Variants in KHDRBS3 observed in about 807,000 individuals in gnomAD.
KHDRBS3 encodes KH RNA binding domain containing, signal transduction associated 3.
Under a neutral mutation model 45.6 loss-of-function variants are expected in KHDRBS3, and 23 were observed. The ratio of observed to expected loss-of-function variants is 0.50; its 90% CI spans 0.36 to 0.72. The LOEUF is 0.72. Among genes scored for constraint, KHDRBS3 ranks in the 30% least tolerant of loss-of-function variants. The probability of loss-of-function intolerance (pLI) is 0.00; values close to 1 mark genes in which losing one functional copy is unlikely to be tolerated. For missense variants in KHDRBS3, 352 were observed against 424.8 expected, an observed-to-expected ratio of 0.83 and a Z score of 1.51; for synonymous variants, 162 against 156.5, an observed-to-expected ratio of 1.04 and a Z score of -0.26.
chr8:135,465,025 A>G (rs897411), intron 1 of KHDRBS3, among the ~76,000 whole-genome samples: 11,088 of 152,266 alleles, frequency 0.073, 584 homozygotes, highest in African/African-American at 0.15. Context: ...GCAGTTGCGT[A>G]CCATACAGAG....
At chr8:135,459,130 T>G (rs1821290609) in intron 1 of KHDRBS3, among the ~76,000 whole-genome samples, 1 of 152,208 alleles carries the variant, frequency 6.6e-6, no homozygotes, top group Middle Eastern at 3.2e-3. Context: ...TCGCCCTGGC[T>G]TTTTTATTGT....
intron 2 of KHDRBS3, chr8:135,542,445 T>A (rs1399831172): frequency 2.1e-6 from 1 of 483,030 alleles, no homozygotes; most frequent in Middle Eastern, 5.4e-4. Flanking sequence ...GAAATAAATA[T>A]AAAGAAATAT....
At chr8:135,592,124 T>C (rs1828772324) in intron 6 of KHDRBS3, among the ~76,000 whole-genome samples, 1 of 152,170 alleles carries the variant, frequency 6.6e-6, no homozygotes, top group Non-Finnish European at 1.5e-5. Flanking sequence ...AAATGTCTTA[T>C]CAGGAGCTTC....
At chr8:135,506,622 T>C (rs1251932532) in intron 1 of KHDRBS3, among the ~76,000 whole-genome samples, 5 of 152,186 alleles carry the variant, frequency 3.3e-5, no homozygotes, top group African/African-American at 9.6e-5. Flanking sequence ...CAGGCTGGTC[T>C]CCAACTCCTG....
chr8:135,540,500 A>G (rs1249895236), intron 2 of KHDRBS3: 1 of 152,266 alleles, frequency 6.6e-6, no homozygotes, highest in Non-Finnish European at 1.5e-5. Flanking sequence ...GCAAAAGACC[A>G]GAGGTTTCCT....
In KHDRBS3 at chr8:135,457,779, C is replaced by T. The variant is rs1050547341; in HGVS notation, c.-88C>T. The T allele has an allele frequency of 3.3e-4, 218 of 664,974 alleles. 1 individual carries two copies. The highest frequency in any genetic ancestry group is 4.3e-4 in the Non-Finnish European group (205 of 480,520). The allele number at this position is 664,974 out of a possible 1,614,324, so 41.2% of individuals were successfully genotyped here. A position where few individuals can be genotyped will look rare whatever the true frequency, so the allele number is the denominator to read the frequency against. ...CCGCGTCTGGCCCCCGGGTCCCCGCCGCTGGGGGCGCGGGCGGGGTCGGGG... is the reference window on the plus strand; with the variant it reads ...CCGCGTCTGGCCCCCGGGTCCCCGCTGCTGGGGGCGCGGGCGGGGTCGGGG... On this transcript the variant is annotated 5_prime_UTR_variant, in exon 1 of 9. Coordinates refer to ENST00000355849, the MANE Select transcript of KHDRBS3 (RefSeq NM_006558.3). This position sits in a 1 kb window ranked among gnomAD's most constrained non-coding sequence, Gnocchi z 4.4.
chr8:135,617,054 G>A (rs934161930), intron 7 of KHDRBS3, among the ~76,000 whole-genome samples: 1 of 151,880 alleles, frequency 6.6e-6, no homozygotes, highest in South Asian at 2.1e-4. Context: ...GCTCTACGAC[G>A]TTGACTAGGT....
chr8:135,515,610 A>G (rs898394585), intron 1 of KHDRBS3, among the ~76,000 whole-genome samples: 2 of 152,014 alleles, frequency 1.3e-5, no homozygotes, highest in Non-Finnish European at 2.9e-5. Flanking sequence ...CTAGTGGTCA[A>G]TAGCAGAAGC....
intron 1 of KHDRBS3, among the ~76,000 whole-genome samples, chr8:135,502,648 C>T (rs1181502306): frequency 2.6e-5 from 4 of 152,094 alleles, no homozygotes; most frequent in Non-Finnish European, 4.4e-5. Context: ...ACATAACTAC[C>T]GTTTATTGAG....
At chr8:135,544,365 G>A (rs763737508) in intron 3 of KHDRBS3, among the ~76,000 whole-genome samples, 1 of 152,148 alleles carries the variant, frequency 6.6e-6, no homozygotes, top group East Asian at 1.9e-4. Context: ...TTGTATGCCC[G>A]AGTTAACAGC....
intron 5 of KHDRBS3, among the ~76,000 whole-genome samples, chr8:135,578,605 C>T (rs549712867): frequency 6.6e-6 from 1 of 152,226 alleles, no homozygotes; most frequent in South Asian, 2.1e-4. Flanking sequence ...AAATACCGCG[C>T]TGTCTTGATT....
intron 2 of KHDRBS3, among the ~76,000 whole-genome samples, chr8:135,534,795 C>T (rs1163966408): frequency 2.0e-5 from 3 of 152,126 alleles, no homozygotes; most frequent in Non-Finnish European, 4.4e-5. Context: ...TGACACAATG[C>T]CAGCTCCAAG....
chr8:135,547,816 A>G (rs1027341177), intron 3 of KHDRBS3, among the ~76,000 whole-genome samples: 1 of 152,150 alleles, frequency 6.6e-6, no homozygotes, highest in Admixed American at 6.5e-5. Flanking sequence ...AATCTGTCTG[A>G]TACTAACATT....
At chr8:135,539,943 A>ATCAATCATGTCTT (rs1383957136) in intron 2 of KHDRBS3, 2 of 152,206 alleles carry the variant, frequency 1.3e-5, no homozygotes, top group Non-Finnish European at 2.9e-5. Flanking sequence ...GTGACCTTTA[A>ATCAATCATGTCTT]TCAATCATGT....
At chr8:135,610,807 A>G (rs1210145378) in intron 7 of KHDRBS3, among the ~76,000 whole-genome samples, 1 of 151,834 alleles carries the variant, frequency 6.6e-6, no homozygotes, top group Non-Finnish European at 1.5e-5. Flanking sequence ...GCAACTACAC[A>G]TAATTGTGTA....
chr8:135,540,196 T>C (rs186379632), intron 2 of KHDRBS3: 1 of 152,260 alleles, frequency 6.6e-6, no homozygotes, highest in African/African-American at 2.4e-5. Context: ...GGGACAACAA[T>C]AGGCAAATGA....
intron 7 of KHDRBS3, among the ~76,000 whole-genome samples, chr8:135,636,630 G>T (rs1563823368): frequency 6.6e-6 from 1 of 152,210 alleles, no homozygotes; most frequent in Non-Finnish European, 1.5e-5. Context: ...GGATCCAGCA[G>T]CAAGAGAAGA....
Position 135,480,471 on chromosome 8 carries a change from T to G in KHDRBS3, c.88+22517T>G, listed in dbSNP as rs111501798. 1.1e-3 allele frequency among the ~76,000 whole-genome samples: 170 copies of G among 152,304 alleles called. 3 individuals carry two copies. The highest frequency in any genetic ancestry group is 3.4e-3 in the African/African-American group (142 of 41,576). On this transcript the variant is annotated intron_variant, in intron 1 of 8. Transcript: ENST00000355849. The stretch of plus-strand genomic sequence containing the variant: ...TGCATTTAAATTCAAAATGGAATAT[T>G]TCTTCTGATAATAAATGTAGTATAT...
intron 4 of KHDRBS3, among the ~76,000 whole-genome samples, chr8:135,551,260 C>T (rs1826582753): frequency 6.6e-6 from 1 of 151,994 alleles, no homozygotes; most frequent in Admixed American, 6.6e-5. Context: ...TGTTGTTATT[C>T]TATTCTATTC....
Sources: allele counts gnomAD v4.1 joint callset (sites outside exome capture counted in the v4.1 genomes callset), GRCh38; gene constraint gnomAD v4.1.1; non-coding constraint Gnocchi (gnomAD v3.1); transcripts MANE v1.5; gene names NCBI Gene and HGNC (gene_info 2026-07-23, HGNC 2026-07-21).